Variants in SPARCL1 observed in about 807,000 individuals in gnomAD.
SPARCL1 encodes the protein SPARC like 1, also known as SPARC-like protein 1.
A neutral mutation model predicts 67.1 loss-of-function variants in SPARCL1; 52 were observed. The observed-to-expected ratio is 0.78, with a 90% CI of 0.62 to 0.98. The LOEUF is 0.98. SPARCL1 is among the 50% of genes least tolerant of loss of function. The pLI, the probability that SPARCL1 is intolerant of heterozygous loss-of-function variation, is 0.00. For synonymous variants in SPARCL1, 226 were observed against 267.8 expected (o/e 0.84, Z 1.52); for missense variants, 717 against 782.4 (o/e 0.92, Z 1.00).
At chr4:87,477,919 G>GA (rs1272358243) in intron 10 of SPARCL1, among the ~76,000 whole-genome samples, 1 of 152,154 alleles carries the variant, frequency 6.6e-6, no homozygotes, top group Admixed American at 6.5e-5. Flanking sequence ...TCCTTTCACA[G>GA]AATGTTTATT....
At position 87,491,618 on chromosome 4, in the gene SPARCL1, C is replaced by T. The variant is rs972212087; in HGVS notation, c.1291G>A (p.Asp431Asn). The change falls in exon 5 of 11, where the codon GAT (aspartate) becomes AAT (asparagine). Residue 431 changes from aspartate to asparagine, a missense_variant and splice_region_variant. Transcript: ENST00000282470. The stretch of plus-strand genomic sequence containing the variant: ...AACAGCTTGCTTCATGCATACTCAC[C>T]CACAGCATGCACCCTCATGTTGCCT... ...SEGNMRVHAV[D>N]SCMSFQCKRG... 1.2e-6 allele frequency: 2 copies of T among 1,608,522 alleles called. No homozygotes were observed. The highest frequency in any genetic ancestry group is 3.3e-5 in the Admixed American group (2 of 60,004).
chr4:87,479,282 C>T (rs1723706251), intron 10 of SPARCL1, 148 bp downstream of exon 10: 2 of 769,538 alleles, frequency 2.6e-6, no homozygotes, highest in Admixed American at 2.3e-5. Context: ...AGCATGTGCA[C>T]CAAGGGAGTC....
chr4:87,496,560 GA>G (rs1724628496), intron 2 of SPARCL1, among the ~76,000 whole-genome samples: 1 of 152,106 alleles, frequency 6.6e-6, no homozygotes, highest in Non-Finnish European at 1.5e-5. Flanking sequence ...AAGGTGGCAA[GA>G]AATATCAAGT....
At chr4:87,484,085 A>T (rs1723950405) in intron 7 of SPARCL1, among the ~76,000 whole-genome samples, 1 of 152,098 alleles carries the variant, frequency 6.6e-6, no homozygotes, top group South Asian at 2.1e-4. Flanking sequence ...TCTTTAGTTT[A>T]ATTAGATCCC....
Position 87,493,691 on chromosome 4 carries a change from T to G in SPARCL1, c.1109A>C (p.Glu370Ala). ...GGCAATGGATTGAGCTCTCTCGGCC[T>G]CCAGAAAGGCCTGGCTTGGGATGAA... The part of the protein sequence containing the change: ...DYFIPSQAFL[E>A]AERAQSIAYH... Residue 370 changes from glutamate (E) to alanine (A), a missense_variant, in exon 4 of 11, where the codon GAG (glutamate) becomes GCG (alanine). Glu to Ala is a moderately radical substitution (Grantham distance 107). Transcript: ENST00000282470. 1 of 1,614,146 alleles carries G rather than the reference T, an allele frequency of 6.2e-7. No homozygotes were observed.
intron 10 of SPARCL1, among the ~76,000 whole-genome samples, chr4:87,474,443 A>C (rs1578089912): frequency 6.6e-6 from 1 of 152,048 alleles, no homozygotes; most frequent in East Asian, 1.9e-4. Flanking sequence ...AATGGAGATA[A>C]TAGCTTCATT....
rs984743154 is a variant in SPARCL1 at position 87,490,313 on chromosome 4, C to T, written c.1491G>A (p.Lys497=). 8.7e-6 allele frequency: 14 copies of T among 1,613,014 alleles called. No homozygotes were observed. The African/African-American group carries it at 1.5e-4, about 17-fold the overall frequency. Residue 497 remains lysine (K), a synonymous_variant, in exon 7 of 11, where the codon AAG becomes AAA. Coordinates refer to ENST00000282470, the MANE Select transcript of SPARCL1 (RefSeq NM_004684.6). ...AATAATCCAGCTGGAGTTGATGCCC[C>T]TTTTTGGTCCCCTCCAGTCTGCATT... ...ATKCRLEGTK[K]GHQLQLDYFG... is the part of the protein sequence containing the mutation.
At chr4:87,484,297 A>G (rs888941654) in intron 7 of SPARCL1, among the ~76,000 whole-genome samples, 4 of 152,336 alleles carry the variant, frequency 2.6e-5, no homozygotes, top group Non-Finnish European at 5.9e-5. Flanking sequence ...AGTTTTCTGC[A>G]TATGGCTAGC....
At position 87,496,552 on chromosome 4, in the gene SPARCL1, G is replaced by A. The variant is rs112579604; in HGVS notation, c.55-1425C>T. 7.9e-3 allele frequency among the ~76,000 whole-genome samples: 1,201 copies of A among 152,124 alleles called. 12 individuals carry two copies. The highest frequency in any genetic ancestry group is 0.028 in the African/African-American group (1,152 of 41,488). ...TAATTTCTACCCTGCCATCTCTCAA[G>A]GTGGCAAGAAATATCAAGTGAGCAG... On this transcript the variant is annotated intron_variant, in intron 2 of 10. Transcript: ENST00000282470.
intron 9 of SPARCL1, 34 bp downstream of exon 9, chr4:87,480,338 T>C (rs774970622): frequency 6.6e-7 from 1 of 1,519,730 alleles, no homozygotes; most frequent in Non-Finnish European, 8.8e-7. Flanking sequence ...ATCAGAGAGA[T>C]AAATCTAGAA....
chr4:87,512,898 C>T (rs559515378), intron 1 of SPARCL1, among the ~76,000 whole-genome samples: 4 of 152,226 alleles, frequency 2.6e-5, no homozygotes, highest in South Asian at 4.1e-4. Context: ...ACTTAATTTG[C>T]GTAAATAAGC....
At chr4:87,510,667 T>C (rs1031227966) in intron 1 of SPARCL1, among the ~76,000 whole-genome samples, 2 of 152,200 alleles carry the variant, frequency 1.3e-5, no homozygotes, top group East Asian at 3.9e-4. Flanking sequence ...ACATTCGCCA[T>C]CCTTCAATTC....
At chr4:87,502,200 G>A (rs1724882724) in intron 1 of SPARCL1, among the ~76,000 whole-genome samples, 1 of 151,904 alleles carries the variant, frequency 6.6e-6, no homozygotes, top group Non-Finnish European at 1.5e-5. Flanking sequence ...TATTCATGGG[G>A]TACATAGTGA....
At chr4:87,478,130 G>C (rs367779079) in intron 10 of SPARCL1, among the ~76,000 whole-genome samples, 1 of 151,982 alleles carries the variant, frequency 6.6e-6, no homozygotes, top group Admixed American at 6.6e-5. Context: ...TTTCTTTAAC[G>C]GCTTAGCTGC....
At chr4:87,511,230 T>C (rs1046459837) in intron 1 of SPARCL1, among the ~76,000 whole-genome samples, 1 of 151,990 alleles carries the variant, frequency 6.6e-6, no homozygotes, top group African/African-American at 2.4e-5. Flanking sequence ...AAGAAATAAT[T>C]AAAAAAAGAA....
Position 87,473,647 on chromosome 4 carries a change from C to A in SPARCL1, c.*128G>T. On this transcript the variant is annotated 3_prime_UTR_variant, in exon 11 of 11. Coordinates refer to ENST00000282470, the MANE Select transcript of SPARCL1 (RefSeq NM_004684.6). The stretch of plus-strand genomic sequence containing the variant: ...CATAGGTTGTTGTCAAGCAATTACT[C>A]TCATTGTCTTGTCATACATGCTAAC... 3.2e-6 allele frequency: 2 copies of A among 625,786 alleles called. No homozygotes were observed. The highest frequency in any genetic ancestry group is 5.5e-6 in the Non-Finnish European group (2 of 361,506). 38.8% of individuals were successfully genotyped at this position (625,786 alleles called of 1,614,324 possible).
chr4:87,485,521 ATTTT>A (rs59992879), intron 7 of SPARCL1, among the ~76,000 whole-genome samples: 1 of 143,746 alleles, frequency 7.0e-6, no homozygotes, highest in African/African-American at 2.6e-5. Flanking sequence ...ATTGGCCTGA[ATTTT>A]TTTTTTTTTT....
chr4:87,514,239 A>ACC (rs1725493472), intron 1 of SPARCL1, among the ~76,000 whole-genome samples: 1 of 152,224 alleles, frequency 6.6e-6, no homozygotes, highest in Non-Finnish European at 1.5e-5. Flanking sequence ...ATTCTCAGGT[A>ACC]AGAGGTATGT....
rs776681189 is a variant in SPARCL1 at position 87,490,828 on chromosome 4, G to T, written c.1342C>A (p.Gln448Lys). The change falls in exon 6 of 11, where the codon CAA becomes AAA. Residue 448 changes from glutamine to lysine, a missense_variant. Physicochemically the swap from Gln to Lys is moderately conservative, Grantham distance 53. Transcript: ENST00000282470. ...CAGACACAGTGAGGTTTTCCCTGTT[G>T]GTCTGCCTTACAGATGTGGCCTCTT... ...CKRGHICKAD[Q>K]QGKPHCVCQD... is the part of the protein sequence containing the mutation. 1 of 1,612,546 alleles carries T rather than the reference G, an allele frequency of 6.2e-7. No homozygotes were observed. Among genetic ancestry groups the T allele is most frequent in the South Asian group, 1.1e-5 (1 of 90,676 alleles).
Sources: allele counts gnomAD v4.1 joint callset (sites outside exome capture counted in the v4.1 genomes callset), GRCh38; gene constraint gnomAD v4.1.1; transcripts MANE v1.5; gene names NCBI Gene and HGNC (gene_info 2026-07-23, HGNC 2026-07-21).